CES5A: variants seen among roughly 807,000 people sequenced by gnomAD.
CES5A encodes carboxylesterase 5.
Under a neutral mutation model 62.9 loss-of-function variants are expected in CES5A, and 67 were observed. The observed-to-expected ratio is 1.07, with a 90% CI of 0.88 to 1.31. CES5A has a LOEUF of 1.31. Ranked by LOEUF, CES5A falls within the 50% of genes most tolerant of loss-of-function variation. The probability of loss-of-function intolerance (pLI) is 0.00; values close to 1 mark genes in which losing one functional copy is unlikely to be tolerated. For synonymous variants in CES5A, 296 were observed against 280.8 expected, an observed-to-expected ratio of 1.05 and a Z score of -0.54; for missense variants, 748 against 708.5, an observed-to-expected ratio of 1.06 and a Z score of -0.63.
At position 55,849,474 on chromosome 16, in the gene CES5A, G is replaced by T. The variant is rs141256374; in HGVS notation, c.1423+150C>A. ...TTTTTCATCCTGGCTTCTAAAAATG[G>T]AAGGGAGGGCATTTTCCAGAGAAAG... On this transcript the variant is annotated intron_variant, in intron 11 of 12. Coordinates refer to ENST00000290567, the MANE Select transcript of CES5A (RefSeq NM_001143685.2). The T allele has an allele frequency of 1.2e-5, 10 of 809,340 alleles. No individual in the cohort carries two copies. The East Asian group carries it at 2.5e-4, about 21-fold the overall frequency. 50.1% of individuals were successfully genotyped at this position (809,340 alleles called of 1,614,324 possible).
At position 55,871,591 on chromosome 16, in the gene CES5A, G is replaced by A. The variant is rs1433731525; in HGVS notation, c.417+34C>T. ...TGGATCCCAGGCCAAGGTCCTGCTA[G>A]CTAGAGCCCGAAGCACACAGCAGGC... On this transcript the variant is annotated intron_variant, in intron 3 of 12. Coordinates refer to ENST00000290567, the MANE Select transcript of CES5A (RefSeq NM_001143685.2). 1.9e-6 allele frequency: 3 copies of A among 1,611,646 alleles called. No homozygotes were observed. In the African/African-American group the frequency reaches 4.0e-5, roughly 22 times the overall value.
intron 2 of CES5A, among the ~76,000 whole-genome samples, chr16:55,941,316 A>G (rs778067636): frequency 6.6e-6 from 1 of 152,126 alleles, no homozygotes; most frequent in African/African-American, 2.4e-5. Context: ...AACACACAAA[A>G]TCAATCATAT....
At chr16:55,905,257 T>C (rs1179985137) in intron 1 of CES5A, among the ~76,000 whole-genome samples, 2 of 152,166 alleles carry the variant, frequency 1.3e-5, no homozygotes, top group Non-Finnish European at 2.9e-5. Flanking sequence ...AGACTAAGCA[T>C]GGATGGTTTC....
intron 2 of CES5A, among the ~76,000 whole-genome samples, chr16:55,936,108 A>G (rs2034371787): frequency 6.6e-6 from 1 of 151,696 alleles, no homozygotes; most frequent in Non-Finnish European, 1.5e-5. Context: ...TGGTGCTTCA[A>G]CTCTCACTCC....
intron 1 of CES5A, among the ~76,000 whole-genome samples, chr16:55,904,293 T>C (rs1199552585): frequency 6.6e-6 from 1 of 152,250 alleles, no homozygotes; most frequent in Admixed American, 6.5e-5. Flanking sequence ...TGAAATATAA[T>C]TGTGCTTGTG....
Position 55,875,315 on chromosome 16 carries a change from C to A in CES5A, c.-94G>T, listed in dbSNP as rs2033675949. ...CCAGAAAGAGCTTCCTGTTAACAGGCAAATGCTGAATAGGCAGGCAGAGGC... is the reference window on the plus strand; with the variant it reads ...CCAGAAAGAGCTTCCTGTTAACAGGAAAATGCTGAATAGGCAGGCAGAGGC... On this transcript the variant is annotated 5_prime_UTR_variant, in exon 1 of 13. Transcript: ENST00000290567. The A allele has an allele frequency of 1.3e-5, 20 of 1,556,290 alleles. No individual in the cohort carries two copies. The highest frequency in any genetic ancestry group is 3.5e-6 in the Non-Finnish European group (4 of 1,155,222).
intron 1 of CES5A, among the ~76,000 whole-genome samples, chr16:55,916,551 A>G (rs1307392095): frequency 1.3e-5 from 2 of 152,186 alleles, no homozygotes; most frequent in African/African-American, 2.4e-5. Flanking sequence ...TTCATTAACT[A>G]ATTAACCCAA....
At chr16:55,949,653 G>A in intron 2 of CES5A, 1 of 418,228 alleles carries the variant, frequency 2.4e-6, no homozygotes, top group Non-Finnish European at 4.2e-6. Flanking sequence ...AGAACATCTT[G>A]ACAATGAAAA....
At chr16:55,935,653 C>G (rs1444058849) in intron 2 of CES5A, among the ~76,000 whole-genome samples, 2 of 152,234 alleles carry the variant, frequency 1.3e-5, no homozygotes, top group African/African-American at 4.8e-5. Context: ...CACTCCTTTT[C>G]ACTCTGAGTT....
chr16:55,881,454 T>G (rs2033760659), intron 1 of CES5A, among the ~76,000 whole-genome samples: 3 of 152,224 alleles, frequency 2.0e-5, no homozygotes, highest in African/African-American at 7.2e-5. Flanking sequence ...GGAGAGAATT[T>G]ATTAGCACAA....
chr16:55,886,490 C>T, intron 1 of CES5A, among the ~76,000 whole-genome samples: 1 of 152,180 alleles, frequency 6.6e-6, no homozygotes, highest in East Asian at 1.9e-4. Flanking sequence ...AGCCTCCCTC[C>T]TCAGCCATGC....
chr16:55,955,167 G>A (rs2034595722), intron 1 of CES5A, among the ~76,000 whole-genome samples: 1 of 152,110 alleles, frequency 6.6e-6, no homozygotes, highest in South Asian at 2.1e-4. Context: ...ATCAGAACAT[G>A]AGAACCGCAA....
intron 2 of CES5A, among the ~76,000 whole-genome samples, chr16:55,940,812 A>G (rs1293933068): frequency 6.6e-6 from 1 of 151,986 alleles, no homozygotes; most frequent in Non-Finnish European, 1.5e-5. Flanking sequence ...TACACAACCA[A>G]GTGGAATTTA....
At chr16:55,866,837 C>CA (rs1195320478) in intron 4 of CES5A, among the ~76,000 whole-genome samples, 4 of 150,908 alleles carry the variant, frequency 2.7e-5, no homozygotes, top group East Asian at 3.9e-4. Context: ...GGCTCTGTCT[C>CA]AAAAAAAATA....
intron 2 of CES5A, among the ~76,000 whole-genome samples, chr16:55,947,244 G>A (rs577150822): frequency 5.9e-5 from 9 of 152,158 alleles, no homozygotes; most frequent in Non-Finnish European, 1.2e-4. Flanking sequence ...AGATCAGATG[G>A]AGAAGAGACA....
At chr16:55,856,957 G>A (rs2033256414) in intron 8 of CES5A, among the ~76,000 whole-genome samples, 1 of 152,242 alleles carries the variant, frequency 6.6e-6, no homozygotes, top group Non-Finnish European at 1.5e-5. Context: ...TGTCTGTGGT[G>A]TAAGCCTCCC....
chr16:55,850,129 A>G (rs1301343757), intron 10 of CES5A, among the ~76,000 whole-genome samples: 1 of 152,212 alleles, frequency 6.6e-6, no homozygotes, highest in African/African-American at 2.4e-5. Flanking sequence ...TATTCTGGAT[A>G]TGATTATTTT....
intron 2 of CES5A, among the ~76,000 whole-genome samples, chr16:55,943,339 C>T (rs1371235311): frequency 1.8e-4 from 27 of 152,164 alleles, no homozygotes; most frequent in African/African-American, 4.8e-5. Flanking sequence ...AATGAGGGAG[C>T]GACTCCCAAG....
chr16:55,886,815 C>A (rs1016795305), intron 1 of CES5A, among the ~76,000 whole-genome samples: 2 of 152,062 alleles, frequency 1.3e-5, no homozygotes, highest in African/African-American at 4.8e-5. Flanking sequence ...AACAATACCA[C>A]CTGAGGGCTC....
Sources: allele counts gnomAD v4.1 joint callset (sites outside exome capture counted in the v4.1 genomes callset), GRCh38; gene constraint gnomAD v4.1.1; transcripts MANE v1.5; gene names NCBI Gene and HGNC (gene_info 2026-07-23, HGNC 2026-07-21).